Variants in CPXM2 observed in about 807,000 individuals in gnomAD.
CPXM2 encodes the protein carboxypeptidase X, M14 family member 2.
A neutral mutation model predicts 86.1 loss-of-function variants in CPXM2; 66 were observed. The ratio of observed to expected loss-of-function variants is 0.77; its 90% CI spans 0.63 to 0.94. CPXM2 has a LOEUF of 0.94. CPXM2 is among the 40% of genes least tolerant of loss of function. The probability of loss-of-function intolerance (pLI) is 0.00; values close to 1 mark genes in which losing one functional copy is unlikely to be tolerated. For missense variants in CPXM2, 948 were observed against 1,026.3 expected, an observed-to-expected ratio of 0.92 and a Z score of 1.04; for synonymous variants, 388 against 400.2, an observed-to-expected ratio of 0.97 and a Z score of 0.36.
chr10:123,746,730 T>C lies in CPXM2; in HGVS notation c.*34A>G. The C allele has an allele frequency of 1.2e-6, 2 of 1,607,118 alleles. No individual in the cohort carries two copies. Among genetic ancestry groups the C allele is most frequent in the Middle Eastern group, 1.8e-4 (1 of 5,586 alleles). On this transcript the variant is annotated 3_prime_UTR_variant, in exon 14 of 14. Coordinates refer to ENST00000241305, the MANE Select transcript of CPXM2 (RefSeq NM_198148.3). ...TACTACCAGGTTGGTTTAATTTGCA[T>C]GGGTCCCAGACGAGTCTCAAGGGCC...
intron 2 of CPXM2, among the ~76,000 whole-genome samples, chr10:123,931,820 T>A (rs1165221024): frequency 6.6e-6 from 1 of 152,230 alleles, no homozygotes; most frequent in Non-Finnish European, 1.5e-5. Flanking sequence ...AAAAGGTGTT[T>A]ATCATAATAT....
intron 2 of CPXM2, among the ~76,000 whole-genome samples, chr10:123,904,631 T>G (rs2134263890): frequency 6.6e-6 from 1 of 152,288 alleles, no homozygotes; most frequent in South Asian, 2.1e-4. Flanking sequence ...GGGCGAGGGT[T>G]CAGTAAAGGT....
rs973331545 is a variant in CPXM2, at chr10:123,790,034, T to C, written c.889+7942A>G. On this transcript the variant is annotated intron_variant, in intron 6 of 13. Coordinates refer to ENST00000241305, the MANE Select transcript of CPXM2 (RefSeq NM_198148.3). Reference sequence around the variant, plus strand: ...TCAGGAGGCTGAGACAGGAGAATGGTGTGAACCCAGGAGGCGGAGCTTGCA... The same window carrying C: ...TCAGGAGGCTGAGACAGGAGAATGGCGTGAACCCAGGAGGCGGAGCTTGCA... Among the ~76,000 whole-genome samples, 153 of 152,126 alleles carry C rather than the reference T, an allele frequency of 1.0e-3. 1 individual carries two copies. Among genetic ancestry groups the C allele is most frequent in the Non-Finnish European group, 4.1e-4 (28 of 67,992 alleles).
chr10:123,768,758 T>G, intron 8 of CPXM2, 36 bp from the exon 9 acceptor site: 1 of 1,582,224 alleles, frequency 6.3e-7, no homozygotes, highest in Non-Finnish European at 8.6e-7. Context: ...CAGGTTCACG[T>G]TGAAACACTT....
At position 123,791,603 on chromosome 10, in the gene CPXM2, C is replaced by G. The variant is rs141962303; in HGVS notation, c.889+6373G>C. On this transcript the variant is annotated intron_variant, in intron 6 of 13. Transcript: ENST00000241305. The stretch of plus-strand genomic sequence containing the variant: ...ATTCTCCCTGTGTGCCTCTGTGTGT[C>G]TGTTTTCTCTTCTTAAGGACACCAG... Among the ~76,000 whole-genome samples, 888 of 152,260 alleles carry G rather than the reference C, an allele frequency of 5.8e-3. 11 individuals are homozygous for G. Among genetic ancestry groups the G allele is most frequent in the African/African-American group, 0.02 (821 of 41,540 alleles).
At chr10:123,771,498 T>C (rs1846630048) in intron 7 of CPXM2, among the ~76,000 whole-genome samples, 1 of 152,210 alleles carries the variant, frequency 6.6e-6, no homozygotes, top group African/African-American at 2.4e-5. Flanking sequence ...TGCAGCACGA[T>C]GACGGCCCTG....
chr10:123,902,601 T>C (rs1256454246), intron 2 of CPXM2, among the ~76,000 whole-genome samples: 2 of 152,152 alleles, frequency 1.3e-5, no homozygotes, highest in African/African-American at 4.8e-5. Context: ...ATTTCACAGA[T>C]GGCAGCTCCT....
chr10:123,923,536 G>A (rs932640545), intron 2 of CPXM2, among the ~76,000 whole-genome samples: 9 of 151,090 alleles, frequency 6.0e-5, no homozygotes, highest in East Asian at 3.9e-4. Context: ...AGCCGAGATC[G>A]CGCCACTGCA....
At chr10:123,788,357 C>T (rs541124921) in intron 6 of CPXM2, among the ~76,000 whole-genome samples, 104 of 151,898 alleles carry the variant, frequency 6.8e-4, no homozygotes, top group African/African-American at 2.4e-3. Context: ...CCTCTCCCTA[C>T]AGGGCAAGTT....
intron 3 of CPXM2, among the ~76,000 whole-genome samples, chr10:123,857,037 T>C (rs1848741032): frequency 6.6e-6 from 1 of 152,150 alleles, no homozygotes; most frequent in South Asian, 2.1e-4. Context: ...TGAGTTAGTA[T>C]AAAGGGGTCC....
chr10:123,932,999 C>A (rs1945680677), intron 2 of CPXM2, among the ~76,000 whole-genome samples: 1 of 152,204 alleles, frequency 6.6e-6, no homozygotes, highest in South Asian at 2.1e-4. Flanking sequence ...GAGTTGGGCC[C>A]TGTAGCAGAG....
intron 10 of CPXM2, among the ~76,000 whole-genome samples, chr10:123,765,248 C>T (rs560900445): frequency 1.3e-5 from 2 of 152,252 alleles, no homozygotes; most frequent in South Asian, 4.1e-4. Context: ...AACCTGTTAG[C>T]CTTGTTATTC....
intron 7 of CPXM2, among the ~76,000 whole-genome samples, chr10:123,774,090 C>G (rs1024564949): frequency 6.6e-6 from 1 of 152,164 alleles, no homozygotes; most frequent in Non-Finnish European, 1.5e-5. Context: ...CCTGACCATG[C>G]AGTAAGGGCC....
intron 4 of CPXM2, among the ~76,000 whole-genome samples, chr10:123,836,827 C>T (rs1230936963): frequency 6.6e-6 from 1 of 152,094 alleles, no homozygotes; most frequent in Non-Finnish European, 1.5e-5. Flanking sequence ...AGTTTCAGCC[C>T]CTCAGGGACC....
At chr10:123,935,013 C>T (rs373628590) in intron 2 of CPXM2, among the ~76,000 whole-genome samples, 18 of 152,168 alleles carry the variant, frequency 1.2e-4, no homozygotes, top group Admixed American at 8.5e-4. Context: ...TTGTTCTTCT[C>T]GGCCACATTC....
At chr10:123,806,332 C>T (rs184462507) in intron 4 of CPXM2, among the ~76,000 whole-genome samples, 182 of 152,216 alleles carry the variant, frequency 1.2e-3, no homozygotes, top group African/African-American at 4.2e-3. Context: ...TATAAACACA[C>T]ACATGTTGAA....
At chr10:123,793,224 G>A (rs1298561432) in intron 6 of CPXM2, among the ~76,000 whole-genome samples, 1 of 152,076 alleles carries the variant, frequency 6.6e-6, no homozygotes, top group Non-Finnish European at 1.5e-5. Context: ...CAGCACTTTG[G>A]GAGGCCGAGG....
intron 3 of CPXM2, among the ~76,000 whole-genome samples, chr10:123,859,705 C>A (rs889907112): frequency 1.3e-5 from 2 of 152,206 alleles, no homozygotes; most frequent in Non-Finnish European, 2.9e-5. Flanking sequence ...GAAAAACCCA[C>A]GAAGACAAAT....
At chr10:123,914,358 G>A (rs113004289) in intron 2 of CPXM2, among the ~76,000 whole-genome samples, 99 of 152,186 alleles carry the variant, frequency 6.5e-4, no homozygotes, top group Non-Finnish European at 1.2e-3. Flanking sequence ...GTTCTTTAGC[G>A]CTGGGTCTGG....
Sources: gnomAD v4.1 joint callset for allele counts (sites outside exome capture counted in the v4.1 genomes callset) on GRCh38, gnomAD v4.1.1 for gene constraint, MANE v1.5 for transcripts, NCBI Gene and HGNC (gene_info 2026-07-23, HGNC 2026-07-21) for gene names.